Variants in RGS8 observed in about 807,000 individuals in gnomAD.
The protein encoded by RGS8 is regulator of G-protein signaling 8.
A neutral mutation model predicts 21.7 loss-of-function variants in RGS8; 8 were observed. The ratio of observed to expected loss-of-function variants is 0.37; its 90% CI spans 0.22 to 0.66. The LOEUF (loss-of-function observed/expected upper bound fraction) is 0.66, where lower values mean the gene tolerates loss of function less well. Among genes scored for constraint, RGS8 ranks in the 30% least tolerant of loss-of-function variants. RGS8 has a pLI of 0.59. For missense variants in RGS8, 157 were observed against 217.9 expected (o/e 0.72, Z 1.76); for synonymous variants, 80 against 83.6 (o/e 0.96, Z 0.24).
chr1:182,670,359 A>T (rs1469622791), intron 2 of RGS8, among the ~76,000 whole-genome samples: 2 of 152,258 alleles, frequency 1.3e-5, no homozygotes, highest in Non-Finnish European at 2.9e-5. Flanking sequence ...TGGAGCCTAC[A>T]TGACCTTCCT....
At chr1:182,682,635 T>C (rs1664573403) in intron 1 of RGS8, among the ~76,000 whole-genome samples, 2 of 152,216 alleles carry the variant, frequency 1.3e-5, no homozygotes, top group Admixed American at 6.5e-5. Flanking sequence ...TCACTCATTT[T>C]ACAGATGAAG....
chr1:182,740,929 A>G, the RGS8 span, among the ~76,000 whole-genome samples: 3,004 of 152,058 alleles, frequency 0.02, 105 homozygotes, highest in African/African-American at 0.07. Context: ...TACAGAACAA[A>G]ATGAAAAGTC....
the RGS8 span, among the ~76,000 whole-genome samples, chr1:182,748,178 G>A: frequency 6.6e-6 from 1 of 152,162 alleles, no homozygotes; most frequent in Non-Finnish European, 1.5e-5. Context: ...AACTGTAGTT[G>A]TGTTGCTGTA....
the RGS8 span, among the ~76,000 whole-genome samples, chr1:182,704,669 G>A: frequency 1.3e-5 from 2 of 152,218 alleles, no homozygotes; most frequent in South Asian, 2.1e-4. Context: ...TCGGGGATGC[G>A]GATTATGTAT....
the RGS8 span, chr1:182,733,846 A>C: frequency 6.6e-6 from 1 of 152,154 alleles, no homozygotes; most frequent in Non-Finnish European, 1.5e-5. Context: ...TGGCATAGTC[A>C]AAAGAAAACA....
At chr1:182,730,497 C>CTCCG in the RGS8 span, among the ~76,000 whole-genome samples, 1 of 151,992 alleles carries the variant, frequency 6.6e-6, no homozygotes. Flanking sequence ...ATTGCCTGAG[C>CTCCG]TCCGGAGTTC....
At chr1:182,669,560 G>A in intron 3 of RGS8, 64 bp downstream of exon 4, 2 of 1,610,942 alleles carry the variant, frequency 1.2e-6, no homozygotes, top group Non-Finnish European at 1.7e-6. Context: ...ATAACAGAGG[G>A]TGTGACAAGG....
chr1:182,740,573 T>TTTTTTTTA, the RGS8 span, among the ~76,000 whole-genome samples: 1 of 87,306 alleles, frequency 1.1e-5, no homozygotes. Context: ...TTTTTTTTTT[T>TTTTTTTTA]ATTGATCATT....
At chr1:182,707,187 G>A in the RGS8 span, among the ~76,000 whole-genome samples, 1 of 152,014 alleles carries the variant, frequency 6.6e-6, no homozygotes, top group Non-Finnish European at 1.5e-5. Context: ...CAAAAACTAG[G>A]TATCGATAGG....
chr1:182,692,439 AG>A, the RGS8 span, among the ~76,000 whole-genome samples: 1 of 152,134 alleles, frequency 6.6e-6, no homozygotes, highest in Non-Finnish European at 1.5e-5. Flanking sequence ...TCTCTACAAT[AG>A]GAATTACAAA....
At chr1:182,657,427 C>T (rs894990036) in intron 5 of RGS8, among the ~76,000 whole-genome samples, 5 of 152,112 alleles carry the variant, frequency 3.3e-5, no homozygotes, top group Non-Finnish European at 5.9e-5. Flanking sequence ...AAGGCTCATT[C>T]GTGTCTCCCA....
At chr1:182,707,574 T>C in the RGS8 span, among the ~76,000 whole-genome samples, 2 of 152,214 alleles carry the variant, frequency 1.3e-5, no homozygotes, top group East Asian at 1.9e-4. Context: ...TGGGGCCAGA[T>C]GATCTTTATG....
chr1:182,708,222 G>T, the RGS8 span, among the ~76,000 whole-genome samples: 1 of 152,158 alleles, frequency 6.6e-6, no homozygotes, highest in Admixed American at 6.5e-5. Flanking sequence ...GTCACTCAAG[G>T]AGTCCACCAG....
exon 4 of RGS8, chr1:182,666,925 G>A (rs762571875): frequency 6.2e-7 from 1 of 1,614,144 alleles, no homozygotes; most frequent in South Asian, 1.1e-5. Flanking sequence ...CACTACACGA[G>A]TCTGACTTGT....
the RGS8 span, among the ~76,000 whole-genome samples, chr1:182,741,765 C>T: frequency 1.8e-5 from 2 of 109,214 alleles, no homozygotes; most frequent in African/African-American, 5.9e-5. Flanking sequence ...GACCCCCCCA[C>T]CTCCCTCCCG....
chr1:182,661,763 T>C (rs1305122070), intron 5 of RGS8, among the ~76,000 whole-genome samples: 1 of 151,922 alleles, frequency 6.6e-6, no homozygotes, highest in East Asian at 1.9e-4. Context: ...TTTGCTCTCT[T>C]GGGTATGAGC....
the RGS8 span, among the ~76,000 whole-genome samples, chr1:182,711,983 G>A: frequency 6.6e-6 from 1 of 152,124 alleles, no homozygotes; most frequent in South Asian, 2.1e-4. Context: ...AACAACAGTA[G>A]GTGCAACAAT....
exon 6 of RGS8, chr1:182,648,229 C>T: frequency 6.2e-7 from 1 of 1,613,818 alleles, no homozygotes; most frequent in African/African-American, 1.3e-5. Flanking sequence ...TTGAACTCCT[C>T]ACAGGCCAAC....
the RGS8 span, among the ~76,000 whole-genome samples, chr1:182,698,819 T>C: frequency 6.6e-6 from 1 of 152,226 alleles, no homozygotes; most frequent in Non-Finnish European, 1.5e-5. Context: ...TTGTTTAACC[T>C]TGAAATAATT....
Sources: gnomAD v4.1 joint callset for allele counts (sites outside exome capture counted in the v4.1 genomes callset) on GRCh38, gnomAD v4.1.1 for gene constraint, MANE v1.5 for transcripts, NCBI Gene and HGNC (gene_info 2026-07-23, HGNC 2026-07-21) for gene names.